Variants in LYPLAL1 observed in about 807,000 individuals in gnomAD.
LYPLAL1 encodes lysophospholipase like 1.
Under a neutral mutation model 19.7 loss-of-function variants are expected in LYPLAL1, and 23 were observed. The ratio of observed to expected loss-of-function variants is 1.17; its 90% CI spans 0.84 to 1.65. The LOEUF (loss-of-function observed/expected upper bound fraction) is 1.65. Among genes scored for constraint, LYPLAL1 ranks in the 40% most tolerant of loss-of-function variants. The pLI, the probability that LYPLAL1 is intolerant of heterozygous loss-of-function variation, is 0.00. For missense variants in LYPLAL1, 355 were observed against 279.4 expected (o/e 1.27, Z -1.93); for synonymous variants, 119 against 96.3 (o/e 1.24, Z -1.38).
At chr1:219,381,348 A>G in the LYPLAL1 span, among the ~76,000 whole-genome samples, 3 of 152,132 alleles carry the variant, frequency 2.0e-5, no homozygotes, top group Non-Finnish European at 4.4e-5. Context: ...TTCTTCCTTT[A>G]TAAATTACCC....
the LYPLAL1 span, among the ~76,000 whole-genome samples, chr1:219,341,200 G>A: frequency 6.6e-5 from 10 of 152,172 alleles, no homozygotes; most frequent in Admixed American, 6.5e-5. Flanking sequence ...GGTCATGTTA[G>A]TAATAACCAA....
At chr1:219,360,991 C>T in the LYPLAL1 span, among the ~76,000 whole-genome samples, 1 of 152,160 alleles carries the variant, frequency 6.6e-6, no homozygotes, top group African/African-American at 2.4e-5. Flanking sequence ...TATGAAGACT[C>T]TTTAACACTA....
the LYPLAL1 span, among the ~76,000 whole-genome samples, chr1:219,255,138 A>C: frequency 1.3e-5 from 2 of 151,738 alleles, no homozygotes; most frequent in African/African-American, 4.8e-5. Context: ...ATCAGCAGGT[A>C]TATTGACATT....
At chr1:219,381,502 G>A in the LYPLAL1 span, among the ~76,000 whole-genome samples, 2 of 152,040 alleles carry the variant, frequency 1.3e-5, no homozygotes, top group African/African-American at 4.8e-5. Context: ...TCATATATAC[G>A]CTCTTAGTGG....
At chr1:219,236,088 T>C in the LYPLAL1 span, among the ~76,000 whole-genome samples, 1 of 151,986 alleles carries the variant, frequency 6.6e-6, no homozygotes, top group Non-Finnish European at 1.5e-5. Context: ...ACATTAAAAA[T>C]AAAAAAAGGA....
At chr1:219,218,292 C>T in the LYPLAL1 span, among the ~76,000 whole-genome samples, 1 of 151,964 alleles carries the variant, frequency 6.6e-6, no homozygotes, top group Non-Finnish European at 1.5e-5. Context: ...TAAACAATGT[C>T]TTCATTAGAT....
chr1:219,396,813 G>A, the LYPLAL1 span, among the ~76,000 whole-genome samples: 7 of 152,148 alleles, frequency 4.6e-5, no homozygotes, highest in South Asian at 4.1e-4. Flanking sequence ...CTTTTGGGCC[G>A]AGACTGTGGA....
At chr1:219,280,475 A>C in the LYPLAL1 span, among the ~76,000 whole-genome samples, 2 of 151,956 alleles carry the variant, frequency 1.3e-5, no homozygotes, top group African/African-American at 4.8e-5. Flanking sequence ...ATTTTTTGAG[A>C]TATATACAGG....
intron 2 of LYPLAL1, among the ~76,000 whole-genome samples, chr1:219,181,231 C>T (rs1441835692): frequency 6.6e-6 from 1 of 152,076 alleles, no homozygotes; most frequent in East Asian, 1.9e-4. Context: ...ACACATCTTA[C>T]TTCTGATGCT....
chr1:219,211,283 C>A (rs909977796), intron 4 of LYPLAL1, among the ~76,000 whole-genome samples: 13 of 152,078 alleles, frequency 8.5e-5, no homozygotes, highest in African/African-American at 2.9e-4. Flanking sequence ...AAGTGACACA[C>A]AGTTACAAAT....
chr1:219,388,914 G>T, the LYPLAL1 span, among the ~76,000 whole-genome samples: 1 of 151,988 alleles, frequency 6.6e-6, no homozygotes. Flanking sequence ...AACTCATTAT[G>T]TGGTTTGCAA....
chr1:219,274,845 AG>A, the LYPLAL1 span, among the ~76,000 whole-genome samples: 1 of 152,178 alleles, frequency 6.6e-6, no homozygotes, highest in African/African-American at 2.4e-5. Context: ...ACTTGTTAAA[AG>A]TTTACATGCC....
At position 219,210,480 on chromosome 1, in the gene LYPLAL1, T is replaced by C. The variant is rs1475895698; in HGVS notation, c.362-52T>C. On this transcript the variant is annotated intron_variant, in intron 3 of 4. Transcript: ENST00000366928. ...ATATGGAAAATTGTTATATATCATA[T>C]CCTAAATTATTATTTTATGTATTCT... The C allele has an allele frequency of 2.6e-6, 3 of 1,155,512 alleles. No homozygotes were observed. The East Asian group carries it at 7.8e-5, about 30-fold the overall frequency. The allele number at this position is 1,155,512 out of a possible 1,614,324, so 71.6% of individuals were successfully genotyped here. A position where few individuals can be genotyped will look rare whatever the true frequency, so the allele number is the denominator to read the frequency against.
intron 2 of LYPLAL1, among the ~76,000 whole-genome samples, chr1:219,182,515 G>T (rs907969350): frequency 6.6e-6 from 1 of 152,034 alleles, no homozygotes; most frequent in South Asian, 2.1e-4. Flanking sequence ...TTCCGGTGAC[G>T]TCAAAAGGAG....
intron 3 of LYPLAL1, among the ~76,000 whole-genome samples, chr1:219,195,400 G>A (rs1329437571): frequency 1.3e-5 from 2 of 152,000 alleles, no homozygotes; most frequent in Non-Finnish European, 2.9e-5. Flanking sequence ...GAAAAGAAAA[G>A]ATCAGGATGA....
At chr1:219,412,309 G>C in the LYPLAL1 span, among the ~76,000 whole-genome samples, 4 of 152,164 alleles carry the variant, frequency 2.6e-5, no homozygotes, top group South Asian at 2.1e-4. Context: ...TTACAGGTAT[G>C]AGCCACTGCA....
At chr1:219,251,240 G>T in the LYPLAL1 span, among the ~76,000 whole-genome samples, 1 of 151,704 alleles carries the variant, frequency 6.6e-6, no homozygotes. Context: ...TCTGTTTATG[G>T]ATGGTTTGTT....
the LYPLAL1 span, among the ~76,000 whole-genome samples, chr1:219,250,419 G>A: frequency 1.3e-5 from 2 of 151,842 alleles, no homozygotes; most frequent in Non-Finnish European, 2.9e-5. Flanking sequence ...AATAAGTCTT[G>A]AGGCCTTGTG....
chr1:219,261,106 G>A, the LYPLAL1 span, among the ~76,000 whole-genome samples: 3 of 151,988 alleles, frequency 2.0e-5, no homozygotes, highest in South Asian at 2.1e-4. Flanking sequence ...AAAAGGCATC[G>A]CCTTAAATAT....
Sources: gnomAD v4.1 joint callset for allele counts (sites outside exome capture counted in the v4.1 genomes callset) on GRCh38, gnomAD v4.1.1 for gene constraint, MANE v1.5 for transcripts, NCBI Gene and HGNC (gene_info 2026-07-23, HGNC 2026-07-21) for gene names.